Variants in CDC14B observed in about 807,000 individuals in gnomAD.
CDC14B encodes the protein dual specificity protein phosphatase CDC14B.
In CDC14B, 22 loss-of-function variants were observed where a neutral mutation model predicts 64.2. The observed-to-expected ratio is 0.34, with a 90% CI of 0.24 to 0.49. The LOEUF (loss-of-function observed/expected upper bound fraction) is 0.49, where lower values mean the gene tolerates loss of function less well. Among genes scored for constraint, CDC14B ranks in the 20% least tolerant of loss-of-function variants. CDC14B has a pLI of 0.99. For missense variants in CDC14B, 498 were observed against 629.9 expected (o/e 0.79, Z 2.24); for synonymous variants, 191 against 215.8 (o/e 0.89, Z 1.01).
chr9:96,550,020 G>T (rs895305493), intron 5 of CDC14B, among the ~76,000 whole-genome samples: 1 of 152,016 alleles, frequency 6.6e-6, no homozygotes, highest in East Asian at 1.9e-4. Context: ...ATCTAAGAGT[G>T]GCATCACAAA....
At chr9:96,599,933 C>T (rs1252370689) in intron 1 of CDC14B, among the ~76,000 whole-genome samples, 4 of 152,038 alleles carry the variant, frequency 2.6e-5, no homozygotes, top group Non-Finnish European at 5.9e-5. Flanking sequence ...GGTTTCACCA[C>T]GTTGGCCAGG....
intron 1 of CDC14B, among the ~76,000 whole-genome samples, chr9:96,566,216 A>G (rs1160444761): frequency 6.6e-6 from 1 of 152,190 alleles, no homozygotes; most frequent in Non-Finnish European, 1.5e-5. Flanking sequence ...GGGTGAAATA[A>G]AGTCATCCAC....
chr9:96,563,794 A>G (rs1374485652), intron 3 of CDC14B, among the ~76,000 whole-genome samples: 1 of 152,118 alleles, frequency 6.6e-6, no homozygotes. Flanking sequence ...CAAATGTTGG[A>G]GGAAGAGAGA....
At chr9:96,495,798 C>T (rs955630717), downstream of CDC14B, among the ~76,000 whole-genome samples, 1 of 152,092 alleles carries the variant, frequency 6.6e-6, no homozygotes, top group Non-Finnish European at 1.5e-5. Context: ...CCCCGGCAGG[C>T]CCAGGCAGGG....
chr9:96,535,859 A>C (rs1340961344), intron 7 of CDC14B, among the ~76,000 whole-genome samples: 1 of 152,202 alleles, frequency 6.6e-6, no homozygotes, highest in Non-Finnish European at 1.5e-5. Flanking sequence ...GGATCACTTA[A>C]GCCCAGGAAT....
At chr9:96,548,287 A>G (rs1457161868) in intron 5 of CDC14B, among the ~76,000 whole-genome samples, 4 of 152,186 alleles carry the variant, frequency 2.6e-5, no homozygotes, top group South Asian at 2.1e-4. Flanking sequence ...AAGCAGAGGC[A>G]AGCCCCACAC....
intron 1 of CDC14B, among the ~76,000 whole-genome samples, chr9:96,584,510 A>C (rs1042618988): frequency 7.4e-6 from 1 of 135,882 alleles, no homozygotes; most frequent in African/African-American, 3.8e-5. Context: ...TTCAGCAGAT[A>C]AGATATTCTT....
intron 7 of CDC14B, 58 bp downstream of exon 7, chr9:96,539,020 C>T (rs1839674951): frequency 1.8e-6 from 2 of 1,083,762 alleles, no homozygotes; most frequent in South Asian, 1.3e-5. Context: ...CAATTATTCC[C>T]CTCAATAAAG....
chr9:96,529,423 A>G lies in CDC14B; in HGVS notation c.946+4504T>C, dbSNP rs532364890. Among the ~76,000 whole-genome samples the G allele has an allele frequency of 5.3e-5, 8 of 149,962 alleles. No individual in the cohort carries two copies. The East Asian group carries it at 1.6e-3, about 29-fold the overall frequency. ...TTATTTCTGAGCTCTCTATCCTATC[A>G]CTGGTCTATGTATCTGTCTTTATGC... On this transcript the variant is annotated intron_variant, in intron 9 of 13. Transcript: ENST00000375241.
chr9:96,575,534 G>C (rs1844750279), intron 1 of CDC14B, among the ~76,000 whole-genome samples: 1 of 152,038 alleles, frequency 6.6e-6, no homozygotes, highest in Admixed American at 6.6e-5. Flanking sequence ...TACAGCAAGA[G>C]AGAAAATGAC....
chr9:96,603,155 G>GACAC (rs5899295), intron 1 of CDC14B, among the ~76,000 whole-genome samples: 5,267 of 138,038 alleles, frequency 0.038, 128 homozygotes, highest in East Asian at 0.069. Context: ...GATAGAAACG[G>GACAC]ACACACACAC....
intron 1 of CDC14B, chr9:96,566,731 G>GGAGCCCCCAGGGGAAGCCC (rs1564355426): frequency 6.3e-7 from 1 of 1,583,632 alleles, no homozygotes; most frequent in Non-Finnish European, 8.6e-7. Context: ...CGCGGGTGCC[G>GGAGCCCCCAGGGGAAGCCC]GAGCCCCCAG....
intron 1 of CDC14B, among the ~76,000 whole-genome samples, chr9:96,617,386 T>C (rs922560781): frequency 1.3e-5 from 2 of 152,050 alleles, no homozygotes; most frequent in African/African-American, 4.8e-5. Flanking sequence ...ACCCAAATGT[T>C]CATCAACAGG....
At chr9:96,606,041 T>C (rs1216821011) in intron 1 of CDC14B, among the ~76,000 whole-genome samples, 1 of 151,306 alleles carries the variant, frequency 6.6e-6, no homozygotes, top group Non-Finnish European at 1.5e-5. Flanking sequence ...TATATTAAAA[T>C]AATATTTGCT....
chr9:96,586,865 T>C (rs563143022), intron 1 of CDC14B, among the ~76,000 whole-genome samples: 3 of 151,938 alleles, frequency 2.0e-5, no homozygotes, highest in Non-Finnish European at 4.4e-5. Context: ...TAAAAAAACA[T>C]GAACTGGATT....
intron 1 of CDC14B, among the ~76,000 whole-genome samples, chr9:96,610,218 G>A (rs1363614638): frequency 1.3e-5 from 2 of 152,042 alleles, no homozygotes; most frequent in African/African-American, 4.8e-5. Context: ...TATTTTTTGA[G>A]ATGGAGTCTC....
chr9:96,598,768 C>G (rs780402354), intron 1 of CDC14B, among the ~76,000 whole-genome samples: 1 of 152,188 alleles, frequency 6.6e-6, no homozygotes, highest in African/African-American at 2.4e-5. Context: ...CACCCTGATA[C>G]ACATCTGTAT....
chr9:96,507,298 C>T (rs1834266232), intron 13 of CDC14B, among the ~76,000 whole-genome samples: 1 of 141,996 alleles, frequency 7.0e-6, no homozygotes, highest in African/African-American at 2.6e-5. Context: ...GCCTGGGCAA[C>T]TCCATGTCAA....
chr9:96,501,675 G>A lies in CDC14B; in HGVS notation c.*2078C>T, dbSNP rs1159307589. ...TTAAATAGAAAGATTTTTAGAAAGAGCCACAGTGATAGCAATTCTAGGTGG... is the reference window on the plus strand; with the variant it reads ...TTAAATAGAAAGATTTTTAGAAAGAACCACAGTGATAGCAATTCTAGGTGG... On this transcript the variant is annotated 3_prime_UTR_variant, in exon 14 of 14. Transcript: ENST00000375241. 1 of 152,580 alleles carries A rather than the reference G, an allele frequency of 6.6e-6. No individual in the cohort carries two copies. The highest frequency in any genetic ancestry group is 1.5e-5 in the Non-Finnish European group (1 of 68,048). 9.5% of individuals were successfully genotyped at this position (152,580 alleles called of 1,614,324 possible).
Sources: allele counts gnomAD v4.1 joint callset (sites outside exome capture counted in the v4.1 genomes callset), GRCh38; gene constraint gnomAD v4.1.1; transcripts MANE v1.5; gene names NCBI Gene and HGNC (gene_info 2026-07-23, HGNC 2026-07-21).